The following ERCC8 variants were observed in gnomAD, a reference collection of about 807,000 sequenced individuals.
ERCC8 encodes DNA excision repair protein ERCC-8.
In ERCC8, 52 loss-of-function variants were observed where a neutral mutation model predicts 54.9. The ratio of observed to expected loss-of-function variants is 0.95; its 90% CI spans 0.76 to 1.19. The LOEUF (loss-of-function observed/expected upper bound fraction) is 1.19, where lower values mean the gene tolerates loss of function less well. Among genes scored for constraint, ERCC8 ranks in the 50% most tolerant of loss-of-function variants. The probability of loss-of-function intolerance (pLI) is 0.00; values close to 1 mark genes in which losing one functional copy is unlikely to be tolerated. For missense variants in ERCC8, 514 were observed against 466.1 expected (o/e 1.10, Z -0.95); for synonymous variants, 146 against 157.2 (o/e 0.93, Z 0.53).
At chr5:60,935,001 T>C (rs1031631374) in intron 1 of ERCC8, among the ~76,000 whole-genome samples, 4 of 152,210 alleles carry the variant, frequency 2.6e-5, no homozygotes, top group African/African-American at 4.8e-5. Context: ...GGTAAGGTGA[T>C]GCCTCCAGAT....
At chr5:60,892,977 A>C in intron 9 of ERCC8, 2 of 768,864 alleles carry the variant, frequency 2.6e-6, no homozygotes, top group Middle Eastern at 2.3e-4. Context: ...TTCAGCTCCA[A>C]AGCTGACCTG....
In ERCC8 at chr5:60,872,145, G is replaced by A. The variant is rs1369526517; in HGVS notation, c.*2470C>T. ...AAAGGTCAAATGCATCCTCACCAAG[G>A]GGACAAGATTGAAAGTAGAATGGCC... On this transcript the variant is annotated 3_prime_UTR_variant, in exon 12 of 12. Transcript: ENST00000676185. Among the ~76,000 whole-genome samples, 1 of 152,036 alleles carries A rather than the reference G, an allele frequency of 6.6e-6. No homozygotes were observed. Among genetic ancestry groups the A allele is most frequent in the East Asian group, 1.9e-4 (1 of 5,196 alleles).
rs57423118 is a variant in ERCC8, at chr5:60,870,482, TA to T, written c.*4132del. On this transcript the variant is annotated 3_prime_UTR_variant, in exon 12 of 12. Coordinates refer to ENST00000676185, the MANE Select transcript of ERCC8 (RefSeq NM_000082.4). ...CAACATGGTGAAACCCCACCTCTGC[TA>T]AAAAAAAAAAAAAAAAAAAAAAAAA... Among the ~76,000 whole-genome samples, 43 of 48,788 alleles carry T rather than the reference TA, an allele frequency of 8.8e-4. No individual in the cohort carries two copies. Among genetic ancestry groups the T allele is most frequent in the African/African-American group, 2.4e-3 (24 of 10,058 alleles). The allele number at this position is 48,788 out of a possible 152,430, so 32.0% of individuals were successfully genotyped here.
rs1750393717 is a variant in ERCC8 at position 60,944,981 on chromosome 5, T to A, written c.28A>T (p.Thr10Ser). 1.2e-6 allele frequency: 2 copies of A among 1,613,976 alleles called. No individual in the cohort carries two copies. The highest frequency in any genetic ancestry group is 2.7e-5 in the African/African-American group (2 of 74,914). Residue 10 changes from threonine to serine, a missense_variant, in exon 1 of 12, where the codon ACG becomes TCG. Coordinates refer to ENST00000676185, the MANE Select transcript of ERCC8 (RefSeq NM_000082.4). ...AGGCGAAGAGGGTCCTCCAAACCCGTTTGGCGTGCGGACAAAAACCCCAGC... is the reference window on the plus strand; with the variant it reads ...AGGCGAAGAGGGTCCTCCAAACCCGATTGGCGTGCGGACAAAAACCCCAGC... Reference protein sequence around the residue: MLGFLSARQTGLEDPLRLRR... With the variant: MLGFLSARQSGLEDPLRLRR...
chr5:60,938,067 ATATATATATATATATATATTTTAT>A (rs1262389174), intron 1 of ERCC8, among the ~76,000 whole-genome samples: 226 of 20,780 alleles, frequency 0.011, 4 homozygotes, highest in Middle Eastern at 0.019. Flanking sequence ...ATATATATAT[ATATATATATATATATATATTTTAT>A]TTTTTTTTTT....
intron 9 of ERCC8, among the ~76,000 whole-genome samples, chr5:60,895,977 A>ATTTCTTTTCT (rs112804303): frequency 3.3e-5 from 5 of 151,742 alleles, no homozygotes; most frequent in African/African-American, 1.2e-4. Context: ...TCATATTAAT[A>ATTTCTTTTCT]TTTCTTTTCT....
At chr5:60,907,840 A>G (rs1205087940) in intron 4 of ERCC8, among the ~76,000 whole-genome samples, 4 of 152,018 alleles carry the variant, frequency 2.6e-5, no homozygotes, top group Admixed American at 1.3e-4. Context: ...CTAATTCCTT[A>G]TCTCCCACGT....
intron 10 of ERCC8, 143 bp from the exon 11 acceptor site, chr5:60,887,663 T>C (rs1748435870): frequency 1.5e-6 from 1 of 684,302 alleles, no homozygotes; most frequent in East Asian, 2.8e-5. Context: ...GCCAATGCTG[T>C]TTTTCCTTTG....
intron 1 of ERCC8, among the ~76,000 whole-genome samples, chr5:60,934,702 AGATT>A (rs1426194845): frequency 5.3e-5 from 8 of 152,232 alleles, no homozygotes; most frequent in African/African-American, 1.9e-4. Context: ...TTCAGGTCTT[AGATT>A]TAAGTCTCTG....
At chr5:60,933,577 G>C (rs1047077677) in intron 1 of ERCC8, among the ~76,000 whole-genome samples, 7 of 151,938 alleles carry the variant, frequency 4.6e-5, no homozygotes, top group African/African-American at 1.7e-4. Context: ...TGAATTTTTA[G>C]AATTTTTTAT....
chr5:60,898,772 C>T (rs1748790505), intron 8 of ERCC8, among the ~76,000 whole-genome samples: 1 of 132,450 alleles, frequency 7.6e-6, no homozygotes. Context: ...CTATTAAAAT[C>T]AATAATTCTA....
chr5:60,906,823 G>A (rs1366467645), intron 4 of ERCC8, among the ~76,000 whole-genome samples: 1 of 152,154 alleles, frequency 6.6e-6, no homozygotes, highest in East Asian at 1.9e-4. Flanking sequence ...AAGTTAGCTT[G>A]GCCAAAGCCC....
In ERCC8 at chr5:60,938,349, A is replaced by ATTTTTTTTTTTTTTTTTTTTTTTT; in HGVS notation, c.77+6582_77+6583insAAAAAAAAAAAAAAAAAAAAAAAA. Among the ~76,000 whole-genome samples, 2 of 108,768 alleles carry ATTTTTTTTTTTTTTTTTTTTTTTT rather than the reference A, an allele frequency of 1.8e-5. 1 individual carries two copies. The highest frequency in any genetic ancestry group is 2.1e-4 in the Admixed American group (2 of 9,324). 71.4% of individuals were successfully genotyped at this position (108,768 alleles called of 152,430 possible). ...GGCCTGTAAGATAGCTACCTTTTTG[A>ATTTTTTTTTTTTTTTTTTTTTTTT]ATTTTTTTTTTTTTTTTTTTTTTGA... is the stretch of plus-strand genomic sequence containing the variant. On this transcript the variant is annotated intron_variant, in intron 1 of 11. Transcript: ENST00000676185.
Position 60,945,024 on chromosome 5 carries a change from C to T in ERCC8, c.-16G>A, listed in dbSNP as rs1000052400. Reference sequence around the variant, plus strand: ...ACCCCAGCATATCGTGTCCTCACACCGGCTGGAGCACTGGACGTCGCCATG... The same window carrying T: ...ACCCCAGCATATCGTGTCCTCACACTGGCTGGAGCACTGGACGTCGCCATG... On this transcript the variant is annotated 5_prime_UTR_variant, in exon 1 of 12. Coordinates refer to ENST00000676185, the MANE Select transcript of ERCC8 (RefSeq NM_000082.4). The T allele has an allele frequency of 4.3e-6, 7 of 1,610,140 alleles. No individual in the cohort carries two copies. The highest frequency in any genetic ancestry group is 1.7e-5 in the Admixed American group (1 of 60,018).
chr5:60,908,917 T>C (rs1423422118), intron 4 of ERCC8, among the ~76,000 whole-genome samples: 1 of 152,122 alleles, frequency 6.6e-6, no homozygotes, highest in African/African-American at 2.4e-5. Context: ...CCATCTTTTA[T>C]GTGGGTGCAG....
At chr5:60,938,703 C>A (rs1289022399) in intron 1 of ERCC8, among the ~76,000 whole-genome samples, 2 of 152,152 alleles carry the variant, frequency 1.3e-5, no homozygotes, top group Admixed American at 6.5e-5. Flanking sequence ...GGTAAATGTA[C>A]CACTGACTTA....
chr5:60,935,386 T>C (rs965326697), intron 1 of ERCC8, among the ~76,000 whole-genome samples: 2 of 152,252 alleles, frequency 1.3e-5, no homozygotes, highest in Non-Finnish European at 2.9e-5. Context: ...ATGTTAATTT[T>C]GTATCCTGAA....
At chr5:60,899,568 A>C (rs1748813541) in intron 8 of ERCC8, 59 bp downstream of exon 8, 10 of 1,330,860 alleles carry the variant, frequency 7.5e-6, no homozygotes, top group Non-Finnish European at 1.1e-5. Context: ...CTTCAATTAA[A>C]AATTTTCAAT....
At position 60,888,064 on chromosome 5, in the gene ERCC8, G is replaced by C. The variant is rs549314364; in HGVS notation, c.1042-544C>G. Among the ~76,000 whole-genome samples the C allele has an allele frequency of 6.3e-4, 96 of 152,268 alleles. 1 individual carries two copies. The highest frequency in any genetic ancestry group is 9.7e-4 in the Non-Finnish European group (66 of 68,026). On this transcript the variant is annotated intron_variant, in intron 10 of 11. Coordinates refer to ENST00000676185, the MANE Select transcript of ERCC8 (RefSeq NM_000082.4). ...TGCACAGCCTATGTCAATGTCTACA[G>C]ATATGCTGTTTGCTTATGGCTGAAC...
Sources: gnomAD v4.1 joint callset for allele counts (sites outside exome capture counted in the v4.1 genomes callset) on GRCh38, gnomAD v4.1.1 for gene constraint, MANE v1.5 for transcripts, NCBI Gene and HGNC (gene_info 2026-07-23, HGNC 2026-07-21) for gene names.